Variants in ABR observed in about 807,000 individuals in gnomAD.
The protein encoded by ABR is ABR activator of RhoGEF and GTPase, also known as active breakpoint cluster region-related protein.
A neutral mutation model predicts 107.2 loss-of-function variants in ABR; 35 were observed. That is an observed-to-expected ratio of 0.33 (90% CI 0.25 to 0.43). The LOEUF is 0.43. Ranked by LOEUF, ABR falls within the 20% of genes least tolerant of loss-of-function variation. The pLI is 1.00. For synonymous variants in ABR, 498 were observed against 462.0 expected, an observed-to-expected ratio of 1.08 and a Z score of -1.00; for missense variants, 815 against 1,115.2, an observed-to-expected ratio of 0.73 and a Z score of 3.83.
At chr17:1,054,669 TGAGGGGATGGGGG>T in intron 14 of ABR, among the ~76,000 whole-genome samples, 1 of 32,056 alleles carries the variant, frequency 3.1e-5, no homozygotes, top group Non-Finnish European at 6.0e-5. Flanking sequence ...ACAAGGAACC[TGAGGGGATGGGGG>T]CACAAGGAAC....
In ABR at chr17:1,108,838, C is replaced by A. The variant is rs1037828752; in HGVS notation, c.247-8103G>T. ...CCCTCCGCCGAGGGCTTCCACCCGG[C>A]CGCGCGCTCTGCGCCCGCATCAGCC... On this transcript the variant is annotated intron_variant, in intron 2 of 22. Coordinates refer to ENST00000302538, the MANE Select transcript of ABR (RefSeq NM_021962.5). The A allele has an allele frequency of 3.1e-5, 44 of 1,407,726 alleles. No individual in the cohort carries two copies. In the Admixed American group the frequency reaches 1.2e-3, roughly 38 times the overall value. The allele number at this position is 1,407,726 out of a possible 1,614,324, so 87.2% of individuals were successfully genotyped here. A position where few individuals can be genotyped will look rare whatever the true frequency, so the allele number is the denominator to read the frequency against.
At chr17:1,144,333 CA>C (rs1426812453) in intron 1 of ABR, among the ~76,000 whole-genome samples, 3 of 151,424 alleles carry the variant, frequency 2.0e-5, no homozygotes, top group Non-Finnish European at 4.4e-5. Flanking sequence ...GGGGCGGGCA[CA>C]GACTCCAGCA....
intron 16 of ABR, among the ~76,000 whole-genome samples, chr17:1,042,896 A>C (rs1234253632): frequency 6.6e-6 from 1 of 152,188 alleles, no homozygotes; most frequent in Admixed American, 6.5e-5. Context: ...GAAAGGGAGG[A>C]AATTCAGACA....
chr17:1,175,598 G>C (rs926828041), intron 1 of ABR, among the ~76,000 whole-genome samples: 10 of 152,124 alleles, frequency 6.6e-5, no homozygotes, highest in Admixed American at 6.6e-4. Context: ...TCAGCCCCAG[G>C]GCCCCTGGCA....
Position 1,070,157 on chromosome 17 carries a change from C to G in ABR, c.895-67G>C. 9 of 1,593,446 alleles carry G rather than the reference C, an allele frequency of 5.6e-6. No individual in the cohort carries two copies. The highest frequency in any genetic ancestry group is 7.7e-6 in the Non-Finnish European group (9 of 1,168,498). The stretch of plus-strand genomic sequence containing the variant: ...TGCGGCCGAGGGCAGAGCCTGCACA[C>G]GGGGGCACGGCCAGCCAGGGAGGAC... On this transcript the variant is annotated intron_variant, in intron 8 of 22. Transcript: ENST00000302538. This position sits in a 1 kb window ranked among gnomAD's most constrained non-coding sequence, Gnocchi z 4.2.
intron 2 of ABR, among the ~76,000 whole-genome samples, chr17:1,124,375 A>G (rs2039494314): frequency 6.6e-6 from 1 of 151,566 alleles, no homozygotes; most frequent in African/African-American, 2.4e-5. Flanking sequence ...AGGATGGGGC[A>G]CTCCCACCGC....
rs2037049419 is a variant in ABR, at chr17:1,091,840, G to A, written c.356C>T (p.Pro119Leu). ...QLEALLLPMKPLKATATTSQP... is the reference protein window; with the variant it reads ...QLEALLLPMKLLKATATTSQP... ...GGAGGTGGTGGCGGTGGCCTTCAGGGGTTTCATGGGCTGGGAGAAACAGAG... is the reference window on the plus strand; with the variant it reads ...GGAGGTGGTGGCGGTGGCCTTCAGGAGTTTCATGGGCTGGGAGAAACAGAG... The change falls in exon 4 of 23, where the codon CCC becomes CTC. Residue 119 changes from proline to leucine, a missense_variant. By Grantham distance (98) the Pro-to-Leu change is moderately conservative. Transcript: ENST00000302538. 6.2e-7 allele frequency: 1 copy of A among 1,612,800 alleles called. No individual in the cohort carries two copies. Among genetic ancestry groups the A allele is most frequent in the African/African-American group, 1.3e-5 (1 of 74,874 alleles).
intron 1 of ABR, among the ~76,000 whole-genome samples, chr17:1,171,225 C>T (rs1043010090): frequency 6.6e-6 from 1 of 152,194 alleles, no homozygotes; most frequent in Admixed American, 6.5e-5. Context: ...TACACGGCGT[C>T]TTTGGTCCCC....
At chr17:1,119,318 TC>T (rs748035116) in intron 2 of ABR, among the ~76,000 whole-genome samples, 3 of 8,890 alleles carry the variant, frequency 3.4e-4, no homozygotes, top group African/African-American at 8.8e-4. Flanking sequence ...CCTGAGTTCC[TC>T]CCCAGCGTTA....
At chr17:1,080,949 T>C (rs2036195491) in intron 5 of ABR, among the ~76,000 whole-genome samples, 1 of 152,126 alleles carries the variant, frequency 6.6e-6, no homozygotes. Flanking sequence ...AAGCACGTCA[T>C]CGAGTGAGTC....
At chr17:1,207,126 A>G (rs889567528) in intron 1 of ABR, among the ~76,000 whole-genome samples, 11 of 151,430 alleles carry the variant, frequency 7.3e-5, no homozygotes, top group African/African-American at 2.7e-4. Context: ...GTTCGTGCCT[A>G]TAGTCCCAGC....
upstream of ABR, among the ~76,000 whole-genome samples, chr17:1,182,951 C>T (rs1352293595): frequency 6.6e-6 from 1 of 152,184 alleles, no homozygotes; most frequent in Non-Finnish European, 1.5e-5. Flanking sequence ...GTGTGTGAGC[C>T]TTTGAGCACC....
chr17:1,193,278 C>A (rs575697115), intron 1 of ABR, among the ~76,000 whole-genome samples: 3 of 150,478 alleles, frequency 2.0e-5, no homozygotes, highest in Admixed American at 1.3e-4. Flanking sequence ...CCCCCTCCCC[C>A]TCAATACCCA....
chr17:1,025,279 C>G (rs1040830343), intron 16 of ABR, among the ~76,000 whole-genome samples: 17 of 152,170 alleles, frequency 1.1e-4, no homozygotes, highest in African/African-American at 3.9e-4. Flanking sequence ...CTGGGCGACA[C>G]AGCAAGACTC....
intron 2 of ABR, 111 bp from the exon 3 acceptor site, chr17:1,100,846 C>T (rs962737148): frequency 5.6e-5 from 58 of 1,031,678 alleles, no homozygotes; most frequent in East Asian, 3.4e-4. Context: ...TTTTTTGAGA[C>T]GAAGTCTCGC....
intron 1 of ABR, among the ~76,000 whole-genome samples, chr17:1,215,972 G>A (rs1475430998): frequency 7.5e-6 from 1 of 134,204 alleles, no homozygotes; most frequent in Non-Finnish European, 1.6e-5. Flanking sequence ...GATGCTTGAA[G>A]GCAGCGTGCT....
At chr17:1,056,220 C>A in intron 13 of ABR, 111 bp from the exon 14 acceptor site, 2 of 911,584 alleles carry the variant, frequency 2.2e-6, no homozygotes, top group Non-Finnish European at 3.5e-6. Context: ...AGTCTTGGTC[C>A]AACATCACCA....
chr17:1,023,313 G>A (rs578252511), intron 16 of ABR, among the ~76,000 whole-genome samples: 6 of 152,368 alleles, frequency 3.9e-5, no homozygotes, highest in African/African-American at 1.4e-4. Context: ...TGCTCTTGGA[G>A]GCCCCACAGC....
rs546407857 is a variant in ABR, at chr17:1,200,816, G to C, written c.838+27977C>G. On this transcript the variant is annotated intron_variant, in intron 1 of 22. Coordinates refer to the ABR transcript ENST00000574139. The surrounding 1 kb of genome is among the most constrained non-coding windows in gnomAD (Gnocchi z 4.1). ...ATCAGCACCGTCCAGGGACACCAGA[G>C]ATAAAGCCTCATCTATAACATCCCC... Among the ~76,000 whole-genome samples the C allele has an allele frequency of 6.6e-6, 1 of 152,242 alleles. No individual in the cohort carries two copies. The highest frequency in any genetic ancestry group is 2.1e-4 in the South Asian group (1 of 4,824).
Sources: gnomAD v4.1 joint callset for allele counts (sites outside exome capture counted in the v4.1 genomes callset) on GRCh38, gnomAD v4.1.1 for gene constraint, Gnocchi (gnomAD v3.1) non-coding constraint, MANE v1.5 for transcripts, NCBI Gene and HGNC (gene_info 2026-07-23, HGNC 2026-07-21) for gene names.